The following PYY variants were observed in gnomAD, a reference collection of about 807,000 sequenced individuals.
PYY encodes the protein peptide YY.
Under a neutral mutation model 10.3 loss-of-function variants are expected in PYY, and 12 were observed. The ratio of observed to expected loss-of-function variants is 1.17; its 90% confidence interval spans 0.75 to 1.89. The LOEUF (loss-of-function observed/expected upper bound fraction) is 1.89. Ranked by LOEUF, PYY falls within the 40% of genes most tolerant of loss-of-function variation. PYY has a pLI of 0.00. For synonymous variants in PYY, 66 were observed against 62.0 expected (o/e 1.06, Z -0.30); for missense variants, 141 against 134.0 (o/e 1.05, Z -0.26).
At chr17:43,986,157 G>A (rs2048914660) in intron 1 of PYY, among the ~76,000 whole-genome samples, 1 of 152,202 alleles carries the variant, frequency 6.6e-6, no homozygotes, top group South Asian at 2.1e-4. Context: ...TACCTGGGAG[G>A]CTGAGGCAGG....
chr17:43,998,226 A>G (rs1286461329), intron 1 of PYY, among the ~76,000 whole-genome samples: 1 of 145,542 alleles, frequency 6.9e-6, no homozygotes, highest in Admixed American at 7.1e-5. Flanking sequence ...GGCATGAGGC[A>G]CCATGCCTGA....
intron 1 of PYY, among the ~76,000 whole-genome samples, chr17:43,989,425 T>C (rs2048938109): frequency 6.6e-6 from 1 of 151,880 alleles, no homozygotes; most frequent in East Asian, 1.9e-4. Context: ...AAATTTGCCA[T>C]CTTAATTTTT....
intron 2 of PYY, among the ~76,000 whole-genome samples, chr17:43,961,572 G>A (rs1376401657): frequency 1.3e-5 from 2 of 151,908 alleles, no homozygotes; most frequent in Non-Finnish European, 1.5e-5. Context: ...ATGGAGTCTC[G>A]CTCTGTCACC....
At chr17:44,000,567 CTT>C (rs398041714) in intron 1 of PYY, among the ~76,000 whole-genome samples, 5 of 127,976 alleles carry the variant, frequency 3.9e-5, no homozygotes, top group East Asian at 2.2e-4. Flanking sequence ...TAAGTGTGCA[CTT>C]TTTTTTTTTT....
At chr17:43,994,169 A>T (rs71371957) in intron 1 of PYY, among the ~76,000 whole-genome samples, 7,588 of 152,158 alleles carry the variant, frequency 0.05, 259 homozygotes, top group East Asian at 0.087. Context: ...AAAAAATTTT[A>T]AAAAAATTAT....
intron 1 of PYY, among the ~76,000 whole-genome samples, chr17:43,978,477 G>A (rs368044331): frequency 3.9e-4 from 59 of 152,232 alleles, no homozygotes; most frequent in East Asian, 2.9e-3. Context: ...ACAATGTAGC[G>A]AGACTCTGTT....
chr17:43,956,198 G>A (rs1479024442), upstream of PYY, among the ~76,000 whole-genome samples: 6 of 152,026 alleles, frequency 3.9e-5, no homozygotes, highest in Non-Finnish European at 8.8e-5. Flanking sequence ...CTCATTTATA[G>A]CCAAAGTAAA....
At chr17:43,976,282 C>T (rs1415327331) in intron 1 of PYY, among the ~76,000 whole-genome samples, 2 of 99,354 alleles carry the variant, frequency 2.0e-5, no homozygotes, top group African/African-American at 1.0e-4. Flanking sequence ...CGTATATATA[C>T]GCATATGTAT....
At chr17:43,976,385 G>GTATACATATACATATATACACA (rs2048846854) in intron 1 of PYY, among the ~76,000 whole-genome samples, 2 of 134,346 alleles carry the variant, frequency 1.5e-5, no homozygotes, top group Non-Finnish European at 1.6e-5. Flanking sequence ...ACACATACAT[G>GTATACATATACATATATACACA]TATACATATA....
chr17:43,963,559 A>T (rs1247068223), intron 2 of PYY, among the ~76,000 whole-genome samples: 16 of 141,152 alleles, frequency 1.1e-4, no homozygotes, highest in African/African-American at 7.9e-5. Context: ...GAAGGAAGGA[A>T]GGAAGGAAGG....
chr17:43,980,113 T>G (rs1182109536), intron 1 of PYY, among the ~76,000 whole-genome samples: 1 of 151,966 alleles, frequency 6.6e-6, no homozygotes. Context: ...ACATAAGTTA[T>G]GTGGAATCAG....
intron 1 of PYY, among the ~76,000 whole-genome samples, chr17:43,976,538 G>A (rs958851643): frequency 6.6e-6 from 1 of 151,900 alleles, no homozygotes; most frequent in Non-Finnish European, 1.5e-5. Context: ...TTGGGAGGCT[G>A]AGGCGGGTGG....
chr17:43,974,044 C>T (rs1484044375), intron 1 of PYY, among the ~76,000 whole-genome samples: 1 of 152,104 alleles, frequency 6.6e-6, no homozygotes, highest in Non-Finnish European at 1.5e-5. Context: ...GGTGGTGAAT[C>T]CTCCATAGTC....
intron 1 of PYY, among the ~76,000 whole-genome samples, chr17:43,996,616 C>T (rs997899018): frequency 9.9e-5 from 15 of 152,070 alleles, no homozygotes; most frequent in African/African-American, 2.4e-5. Flanking sequence ...ATATGTCCAC[C>T]ACCAGACCTG....
intron 1 of PYY, among the ~76,000 whole-genome samples, chr17:43,981,265 G>A (rs1180932381): frequency 6.6e-6 from 1 of 152,182 alleles, no homozygotes. Context: ...TATAGGGTGT[G>A]TATGTGTTGC....
chr17:43,970,247 C>A (rs894582543), intron 1 of PYY, among the ~76,000 whole-genome samples: 4 of 145,974 alleles, frequency 2.7e-5, no homozygotes, highest in African/African-American at 1.0e-4. Context: ...GTGGCTCATG[C>A]CTGTAATCCC....
intron 2 of PYY, 26 bp downstream of exon 2, chr17:43,953,270 G>A (rs777649664): frequency 6.2e-7 from 1 of 1,608,158 alleles, no homozygotes; most frequent in African/African-American, 1.3e-5. Flanking sequence ...AGAGCCCCAG[G>A]GGTCCCGCTC....
chr17:43,976,496 G>A (rs1465428319), intron 1 of PYY, among the ~76,000 whole-genome samples: 2 of 151,656 alleles, frequency 1.3e-5, no homozygotes, highest in African/African-American at 2.4e-5. Context: ...TGCCAGCCAC[G>A]TGTGGTGGCT....
chr17:43,960,755 C>T (rs2048706874), intron 2 of PYY, among the ~76,000 whole-genome samples: 1 of 150,498 alleles, frequency 6.6e-6, no homozygotes, highest in South Asian at 2.1e-4. Flanking sequence ...GAGACTGAGG[C>T]AGCAGAATTG....
Sources: gnomAD v4.1 joint callset for allele counts (sites outside exome capture counted in the v4.1 genomes callset) on GRCh38, gnomAD v4.1.1 for gene constraint, MANE v1.5 for transcripts, NCBI Gene and HGNC (gene_info 2026-07-23, HGNC 2026-07-21) for gene names.